Variants in FKTN observed in about 807,000 individuals in gnomAD.
FKTN encodes fukutin.
FKTN carries 47 observed loss-of-function variants against 58.6 expected under a neutral mutation model. That is an observed-to-expected ratio of 0.80 (90% confidence interval 0.63 to 1.02). FKTN has a LOEUF of 1.02. FKTN is among the 50% of genes least tolerant of loss of function. The pLI, the probability that FKTN is intolerant of heterozygous loss-of-function variation, is 0.00. For missense variants in FKTN, 516 were observed against 537.3 expected (o/e 0.96, Z 0.39); for synonymous variants, 178 against 191.9 (o/e 0.93, Z 0.60).
intron 10 of FKTN, among the ~76,000 whole-genome samples, chr9:105,627,355 C>A (rs559189900): frequency 9.9e-5 from 15 of 152,148 alleles, no homozygotes; most frequent in African/African-American, 3.1e-4. Flanking sequence ...GTAGTATTAT[C>A]GTGTCCTGTT....
At chr9:105,614,960 T>C (rs771772768) in intron 7 of FKTN, among the ~76,000 whole-genome samples, 1 of 152,050 alleles carries the variant, frequency 6.6e-6, no homozygotes, top group East Asian at 1.9e-4. Flanking sequence ...CTTTGCTTAC[T>C]GCAACCTCCA....
intron 3 of FKTN, among the ~76,000 whole-genome samples, chr9:105,586,689 T>G (rs1356700621): frequency 6.6e-6 from 1 of 152,192 alleles, no homozygotes; most frequent in Non-Finnish European, 1.5e-5. Flanking sequence ...AGCACCAGTT[T>G]CTTTAAATGG....
intron 3 of FKTN, among the ~76,000 whole-genome samples, chr9:105,580,813 G>A (rs368042479): frequency 1.6e-4 from 6 of 36,594 alleles, no homozygotes; most frequent in Non-Finnish European, 2.4e-4. Context: ...CCAATCAGAC[G>A]TAGATTTGGT....
intron 1 of FKTN, among the ~76,000 whole-genome samples, chr9:105,572,557 T>C (rs1230614230): frequency 6.6e-6 from 1 of 152,184 alleles, no homozygotes; most frequent in African/African-American, 2.4e-5. Flanking sequence ...AGTCCTCTTC[T>C]GTTTGCAGTG....
rs745597550 is a variant in FKTN at position 105,604,270 on chromosome 9, G to T, written c.425G>T (p.Ser142Ile). Residue 142 changes from serine (S) to isoleucine (I), a missense_variant, in exon 6 of 11, where the codon AGT (serine) becomes ATT (isoleucine). Ser to Ile is a moderately radical substitution (Grantham distance 142, BLOSUM62 -2). Coordinates refer to ENST00000357998, the MANE Select transcript of FKTN (RefSeq NM_001079802.2). ...NMGFQCLKIE[S>I]KDPRLDGIDS... ...GGATTTCAGTGCCTAAAGATTGAGA[G>T]TAAAGATCCCCGGCTAGACGGGATA... 2.5e-6 allele frequency: 4 copies of T among 1,613,124 alleles called. No homozygotes were observed. In the South Asian group the frequency reaches 3.3e-5, roughly 13 times the overall value.
At chr9:105,613,460 C>T (rs1196296521) in intron 7 of FKTN, among the ~76,000 whole-genome samples, 2 of 152,182 alleles carry the variant, frequency 1.3e-5, no homozygotes, top group African/African-American at 4.8e-5. Flanking sequence ...TATAGTCCAT[C>T]CAGGATCTAT....
chr9:105,584,557 C>T (rs1193118837), intron 3 of FKTN, among the ~76,000 whole-genome samples: 2 of 152,100 alleles, frequency 1.3e-5, no homozygotes, highest in African/African-American at 2.4e-5. Context: ...CAGTGGCTCA[C>T]ACCTGTAGTC....
rs1055775822 is a variant in FKTN at position 105,636,279 on chromosome 9, G to A, written c.*1015G>A. 9.4e-6 allele frequency: 9 copies of A among 954,884 alleles called. No individual in the cohort carries two copies. The highest frequency in any genetic ancestry group is 1.1e-5 in the Non-Finnish European group (9 of 802,642). 59.2% of individuals were successfully genotyped at this position (954,884 alleles called of 1,614,324 possible). ...ATCTTCATTTATCAATTACAGCTTC[G>A]TATCTCTAATTTATGGTCTATATAC... On this transcript the variant is annotated 3_prime_UTR_variant, in exon 11 of 11. Coordinates refer to ENST00000357998, the MANE Select transcript of FKTN (RefSeq NM_001079802.2).
chr9:105,567,624 G>T (rs1839910809), intron 1 of FKTN, among the ~76,000 whole-genome samples: 1 of 152,132 alleles, frequency 6.6e-6, no homozygotes, highest in Non-Finnish European at 1.5e-5. Context: ...ACAAACCACT[G>T]CTCAACGAAA....
At position 105,617,867 on chromosome 9, in the gene FKTN, G is replaced by GA. The variant is rs925619706; in HGVS notation, c.911-84dup. The GA allele has an allele frequency of 1.5e-4, 132 of 875,914 alleles. No individual in the cohort carries two copies. The African/African-American group carries it at 1.6e-3, about 11-fold the overall frequency. 54.3% of individuals were successfully genotyped at this position (875,914 alleles called of 1,614,324 possible). On this transcript the variant is annotated intron_variant, in intron 8 of 10. Transcript: ENST00000357998. ...GAGACTCTGTCTCTTTAAAAAAAAA[G>GA]AAAAAAAATCCTTGTTACAAATATA...
chr9:105,632,161 C>T (rs1487707508), intron 10 of FKTN, among the ~76,000 whole-genome samples: 7 of 151,852 alleles, frequency 4.6e-5, no homozygotes, highest in South Asian at 2.1e-4. Flanking sequence ...AGTAAACTAT[C>T]GCAAGAACAA....
At chr9:105,620,243 C>T (rs146443883) in intron 10 of FKTN, 182 bp downstream of exon 10, 32 of 530,350 alleles carry the variant, frequency 6.0e-5, no homozygotes, top group East Asian at 4.6e-4. Flanking sequence ...CCTGTAAGGA[C>T]GGTTTGTGAG....
intron 3 of FKTN, among the ~76,000 whole-genome samples, chr9:105,576,629 C>A (rs577988618): frequency 8.3e-6 from 1 of 121,160 alleles, no homozygotes; most frequent in South Asian, 3.2e-4. Flanking sequence ...AATAAACATA[C>A]GTGTGCATGT....
intron 6 of FKTN, among the ~76,000 whole-genome samples, chr9:105,606,849 GC>G (rs1828989694): frequency 6.6e-6 from 1 of 151,486 alleles, no homozygotes; most frequent in African/African-American, 2.4e-5. Flanking sequence ...TCTGAACCAA[GC>G]CATATTTTCA....
chr9:105,615,335 T>C lies in FKTN; in HGVS notation c.838T>C (p.Leu280=), dbSNP rs2133099979. The C allele has an allele frequency of 6.2e-7, 1 of 1,613,728 alleles. No homozygotes were observed. Among genetic ancestry groups the C allele is most frequent in the South Asian group, 1.1e-5 (1 of 91,080 alleles). The part of the protein sequence containing the change: ...AVAFRKSAKE[L]LQLAAKTLNK... Reference sequence around the variant, plus strand: ...GGCCTTTCGGAAGAGTGCAAAGGAATTACTGCAACTAGCAGCGAAAACATT... The same window carrying C: ...GGCCTTTCGGAAGAGTGCAAAGGAACTACTGCAACTAGCAGCGAAAACATT... Residue 280 remains leucine (L), a synonymous_variant, in exon 8 of 11, where the codon TTA becomes CTA. Coordinates refer to ENST00000357998, the MANE Select transcript of FKTN (RefSeq NM_001079802.2).
intron 7 of FKTN, among the ~76,000 whole-genome samples, chr9:105,613,619 G>C (rs1391209734): frequency 6.6e-6 from 1 of 152,210 alleles, no homozygotes; most frequent in Non-Finnish European, 1.5e-5. Context: ...TAAACCTGTA[G>C]ATACAGTGAT....
intron 1 of FKTN, among the ~76,000 whole-genome samples, chr9:105,568,257 A>G (rs2131852959): frequency 6.6e-6 from 1 of 152,360 alleles, no homozygotes. Context: ...CTGAAACACC[A>G]AAAGCAATGG....
At chr9:105,567,083 G>T (rs540515822) in intron 1 of FKTN, among the ~76,000 whole-genome samples, 19 of 152,286 alleles carry the variant, frequency 1.2e-4, no homozygotes, top group African/African-American at 4.6e-4. Context: ...AAAGGCCTTT[G>T]ACAAAATTCA....
intron 1 of FKTN, among the ~76,000 whole-genome samples, chr9:105,570,507 TG>T (rs1279005213): frequency 6.6e-6 from 1 of 152,144 alleles, no homozygotes; most frequent in Non-Finnish European, 1.5e-5. Context: ...TTAATTGATG[TG>T]GGGGTGGTAA....
Sources: allele counts gnomAD v4.1 joint callset (sites outside exome capture counted in the v4.1 genomes callset), GRCh38; gene constraint gnomAD v4.1.1; transcripts MANE v1.5; gene names NCBI Gene and HGNC (gene_info 2026-07-23, HGNC 2026-07-21).